The following RBMS3 variants were observed in gnomAD, a reference collection of about 807,000 sequenced individuals.
The protein encoded by RBMS3 is RNA-binding motif, single-stranded-interacting protein 3.
In RBMS3, 27 loss-of-function variants were observed where a neutral mutation model predicts 66.8. The ratio of observed to expected loss-of-function variants is 0.40; its 90% CI spans 0.30 to 0.56. RBMS3 has a LOEUF of 0.56. Among genes scored for constraint, RBMS3 ranks in the 20% least tolerant of loss-of-function variants. The pLI, the probability that RBMS3 is intolerant of heterozygous loss-of-function variation, is 0.40. For synonymous variants in RBMS3, 188 were observed against 183.0 expected (o/e 1.03, Z -0.22); for missense variants, 513 against 549.5 (o/e 0.93, Z 0.66).
chr3:29,322,651 C>T (rs952521972), intron 1 of RBMS3, among the ~76,000 whole-genome samples: 9 of 151,632 alleles, frequency 5.9e-5, no homozygotes, highest in Non-Finnish European at 8.8e-5. Context: ...ATACTCCAGA[C>T]ACTGGTCTTT....
chr3:29,659,736 G>T (rs963784753), intron 4 of RBMS3, among the ~76,000 whole-genome samples: 2 of 152,076 alleles, frequency 1.3e-5, no homozygotes, highest in African/African-American at 2.4e-5. Flanking sequence ...TTGGTGGGGG[G>T]GTGGTTACAG....
chr3:29,811,040 C>G (rs1576875356), intron 6 of RBMS3, among the ~76,000 whole-genome samples: 1 of 152,042 alleles, frequency 6.6e-6, no homozygotes, highest in East Asian at 1.9e-4. Flanking sequence ...CATCTGATCC[C>G]AGCATAATTC....
At chr3:29,459,496 T>G (rs2042301682) in intron 2 of RBMS3, among the ~76,000 whole-genome samples, 1 of 152,218 alleles carries the variant, frequency 6.6e-6, no homozygotes, top group African/African-American at 2.4e-5. Context: ...AATTATACTC[T>G]TCTTAAACTG....
chr3:29,442,370 C>T (rs1297615967), intron 2 of RBMS3, among the ~76,000 whole-genome samples: 7 of 152,006 alleles, frequency 4.6e-5, no homozygotes, highest in Admixed American at 4.6e-4. Flanking sequence ...GAATTTTCTG[C>T]TGAATGTTTA....
chr3:29,750,240 A>T (rs1384207773), intron 5 of RBMS3, among the ~76,000 whole-genome samples: 3 of 152,172 alleles, frequency 2.0e-5, no homozygotes, highest in African/African-American at 7.2e-5. Context: ...TTTATCAGAA[A>T]TCTTTATTCA....
intron 3 of RBMS3, among the ~76,000 whole-genome samples, chr3:29,545,346 A>G (rs567140947): frequency 2.6e-5 from 4 of 152,144 alleles, no homozygotes; most frequent in African/African-American, 9.6e-5. Flanking sequence ...GTTTTTGTGT[A>G]TACTATATTG....
chr3:29,612,012 A>G (rs1488426201), intron 4 of RBMS3, among the ~76,000 whole-genome samples: 3 of 152,064 alleles, frequency 2.0e-5, no homozygotes, highest in Non-Finnish European at 2.9e-5. Flanking sequence ...TGTGATCTTA[A>G]GTATGTTACT....
intron 6 of RBMS3, among the ~76,000 whole-genome samples, chr3:29,840,868 G>C (rs1181310415): frequency 1.3e-5 from 2 of 151,744 alleles, no homozygotes; most frequent in Non-Finnish European, 2.9e-5. Flanking sequence ...GTATATGATG[G>C]ACACTTAAGA....
intron 1 of RBMS3, among the ~76,000 whole-genome samples, chr3:29,371,697 T>C (rs1451620494): frequency 6.6e-6 from 1 of 152,112 alleles, no homozygotes; most frequent in East Asian, 1.9e-4. Context: ...GTAATTTTGT[T>C]TTATTGGTTC....
chr3:29,446,189 A>C (rs1012795453), intron 2 of RBMS3, among the ~76,000 whole-genome samples: 1 of 152,180 alleles, frequency 6.6e-6, no homozygotes, highest in Non-Finnish European at 1.5e-5. Context: ...CCACTTACTC[A>C]TTGTGAAATC....
intron 12 of RBMS3, among the ~76,000 whole-genome samples, chr3:29,958,246 T>C (rs1380176463): frequency 1.3e-5 from 2 of 152,198 alleles, no homozygotes; most frequent in African/African-American, 4.8e-5. Context: ...CTAAATGACA[T>C]TGAAAATTCT....
chr3:29,475,281 C>T (rs1170594745), intron 2 of RBMS3, among the ~76,000 whole-genome samples: 4 of 149,170 alleles, frequency 2.7e-5, no homozygotes, highest in Non-Finnish European at 5.9e-5. Flanking sequence ...CAGAGTCTTG[C>T]TCTGTCACCC....
At chr3:29,686,173 C>T (rs7642745) in intron 4 of RBMS3, among the ~76,000 whole-genome samples, 88,142 of 152,052 alleles carry the variant, frequency 0.58, 25,743 homozygotes, top group African/African-American at 0.63. Flanking sequence ...GTTCTTTTCC[C>T]TTGAGTTTTC....
intron 2 of RBMS3, among the ~76,000 whole-genome samples, chr3:29,437,017 T>C (rs2041426972): frequency 6.6e-6 from 1 of 152,254 alleles, no homozygotes; most frequent in Non-Finnish European, 1.5e-5. Context: ...AAGCCTCAGT[T>C]TCCTCTTTCT....
At chr3:29,438,649 A>G (rs1221382405) in intron 2 of RBMS3, among the ~76,000 whole-genome samples, 1 of 152,242 alleles carries the variant, frequency 6.6e-6, no homozygotes, top group African/African-American at 2.4e-5. Flanking sequence ...TTGGATGAAT[A>G]CATTATACTG....
intron 2 of RBMS3, among the ~76,000 whole-genome samples, chr3:29,458,153 A>G (rs1467612688): frequency 2.0e-5 from 3 of 152,094 alleles, no homozygotes; most frequent in Non-Finnish European, 4.4e-5. Context: ...TTCCAACCAG[A>G]CTGTAAGTTT....
At chr3:29,352,935 T>G (rs2037003280) in intron 1 of RBMS3, among the ~76,000 whole-genome samples, 1 of 151,974 alleles carries the variant, frequency 6.6e-6, no homozygotes, top group Non-Finnish European at 1.5e-5. Flanking sequence ...TCTTTTTTTT[T>G]TTATGGCTGT....
rs566630981 is a variant in RBMS3 at position 29,418,444 on chromosome 3, A to G, written c.76-16299A>G. Among the ~76,000 whole-genome samples, 41 of 152,312 alleles carry G rather than the reference A, an allele frequency of 2.7e-4. No homozygotes were observed. The East Asian group carries it at 5.0e-3, about 19-fold the overall frequency. On this transcript the variant is annotated intron_variant, in intron 1 of 14. Transcript: ENST00000383767. Reference sequence around the variant, plus strand: ...CTAAATGAAATTAATGACCAGTGGAATCCAAATAAATAAAAGGAAATGTGC... The same window carrying G: ...CTAAATGAAATTAATGACCAGTGGAGTCCAAATAAATAAAAGGAAATGTGC...
chr3:29,973,470 A>T (rs1206684740), intron 12 of RBMS3, among the ~76,000 whole-genome samples: 1 of 152,016 alleles, frequency 6.6e-6, no homozygotes, highest in East Asian at 1.9e-4. Flanking sequence ...ATGTATTAGT[A>T]ACTCAACCAG....
Sources: gnomAD v4.1 joint callset for allele counts (sites outside exome capture counted in the v4.1 genomes callset) on GRCh38, gnomAD v4.1.1 for gene constraint, MANE v1.5 for transcripts, NCBI Gene and HGNC (gene_info 2026-07-23, HGNC 2026-07-21) for gene names.